Variants in ZNF385A observed in about 807,000 individuals in gnomAD.
ZNF385A encodes hematopoietic zinc finger protein.
ZNF385A carries 14 observed loss-of-function variants against 32.1 expected under a neutral mutation model. The observed-to-expected ratio is 0.44, with a 90% confidence interval of 0.29 to 0.68. ZNF385A has a LOEUF of 0.68. Among genes scored for constraint, ZNF385A ranks in the 30% least tolerant of loss-of-function variants. The pLI is 0.14. For synonymous variants in ZNF385A, 197 were observed against 202.7 expected, an observed-to-expected ratio of 0.97 and a Z score of 0.24; for missense variants, 406 against 478.4, an observed-to-expected ratio of 0.85 and a Z score of 1.41.
chr12:54,383,782 C>T (rs1041074367), intron 1 of ZNF385A, among the ~76,000 whole-genome samples: 3 of 152,196 alleles, frequency 2.0e-5, no homozygotes, highest in African/African-American at 7.2e-5. Flanking sequence ...GTAATCCCAG[C>T]TACTTGGGAG....
At chr12:54,379,149 G>C in intron 1 of ZNF385A, 1 of 981,198 alleles carries the variant, frequency 1.0e-6, no homozygotes, top group Non-Finnish European at 1.2e-6. Flanking sequence ...GGCCGGGCAG[G>C]CCAGGGACGC....
At chr12:54,376,034 G>A (rs1954834657) in intron 1 of ZNF385A, 80 bp from the exon 2 acceptor site, 1 of 1,179,408 alleles carries the variant, frequency 8.5e-7, no homozygotes, top group Admixed American at 1.8e-5. Flanking sequence ...TATCTGTGTT[G>A]AACCAAGGTC....
In ZNF385A at chr12:54,370,153, G is replaced by T; in HGVS notation, c.*103C>A. ...ATCTCGGGGTGGGGGGGGGGAAGGA[G>T]AGATCATTTAGGGAGTGCCGGGAGG... On this transcript the variant is annotated 3_prime_UTR_variant, in exon 7 of 7. Transcript: ENST00000394313. This position sits in a 1 kb window ranked among gnomAD's most constrained non-coding sequence, Gnocchi z 5.5. 1.2e-6 allele frequency: 1 copy of T among 857,490 alleles called. No individual in the cohort carries two copies. The highest frequency in any genetic ancestry group is 1.7e-6 in the Non-Finnish European group (1 of 605,286). 53.1% of individuals were successfully genotyped at this position (857,490 alleles called of 1,614,324 possible).
At chr12:54,375,303 G>A (rs1455225733) in intron 2 of ZNF385A, among the ~76,000 whole-genome samples, 1 of 152,212 alleles carries the variant, frequency 6.6e-6, no homozygotes, top group African/African-American at 2.4e-5. Flanking sequence ...TTCTCCCCAG[G>A]GGAAAGCCCC....
chr12:54,379,414 G>C (rs1430138652), intron 1 of ZNF385A, among the ~76,000 whole-genome samples: 1 of 152,006 alleles, frequency 6.6e-6, no homozygotes, highest in Non-Finnish European at 1.5e-5. Context: ...CCCGCGGCAG[G>C]GGCATTGACC....
intron 1 of ZNF385A, among the ~76,000 whole-genome samples, chr12:54,382,844 A>ATTT (rs1955265397): frequency 6.7e-6 from 1 of 149,984 alleles, no homozygotes; most frequent in African/African-American, 2.5e-5. Flanking sequence ...TTTTTTTTTA[A>ATTT]AAAAAATATT....
chr12:54,370,030 A>C lies in ZNF385A; in HGVS notation c.*226T>G. ...GACGGCCCCCCCTTTTCTAGGGGAG[A>C]GGGAAAGGCAGGGGGCGGGGTTCCC... On this transcript the variant is annotated 3_prime_UTR_variant, in exon 7 of 7. Coordinates refer to ENST00000394313, the MANE Select transcript of ZNF385A (RefSeq NM_015481.3). The surrounding 1 kb of genome is among the most constrained non-coding windows in gnomAD (Gnocchi z 5.5). 3 of 407,468 alleles carry C rather than the reference A, an allele frequency of 7.4e-6. No homozygotes were observed. Among genetic ancestry groups the C allele is most frequent in the Non-Finnish European group, 1.3e-5 (3 of 231,272 alleles). The allele number at this position is 407,468 out of a possible 1,614,324, so 25.2% of individuals were successfully genotyped here.
rs1454012970 is a variant in ZNF385A at position 54,370,242 on chromosome 12, G to A, written c.*14C>T. ...GGAGGTGGGGAGTTGAATGGGAGGG[G>A]TTCAGGGTTGAGGTCAGTACGGGGA... On this transcript the variant is annotated 3_prime_UTR_variant, in exon 7 of 7. Coordinates refer to ENST00000394313, the MANE Select transcript of ZNF385A (RefSeq NM_015481.3). The surrounding 1 kb of genome is among the most constrained non-coding windows in gnomAD (Gnocchi z 5.5). 2 of 1,441,244 alleles carry A rather than the reference G, an allele frequency of 1.4e-6. No individual in the cohort carries two copies. Among genetic ancestry groups the A allele is most frequent in the African/African-American group, 2.9e-5 (2 of 68,946 alleles). 89.3% of individuals were successfully genotyped at this position (1,441,244 alleles called of 1,614,324 possible). A position where few individuals can be genotyped will look rare whatever the true frequency, so the allele number is the denominator to read the frequency against.
At chr12:54,386,350 TACAA>T (rs1448783374), upstream of ZNF385A, among the ~76,000 whole-genome samples, 4 of 151,868 alleles carry the variant, frequency 2.6e-5, no homozygotes, top group African/African-American at 2.4e-5. Context: ...AAATCAGACA[TACAA>T]ACAGAGAGAC....
upstream of ZNF385A, among the ~76,000 whole-genome samples, chr12:54,387,153 C>T (rs766567303): frequency 6.6e-6 from 1 of 152,234 alleles, no homozygotes; most frequent in African/African-American, 2.4e-5. Flanking sequence ...AGGTTCCATG[C>T]ACTTCCTCAG....
intron 1 of ZNF385A, among the ~76,000 whole-genome samples, chr12:54,377,136 G>A (rs142328852): frequency 1.2e-4 from 18 of 152,360 alleles, no homozygotes; most frequent in African/African-American, 3.6e-4. Context: ...AGTCTGGAAA[G>A]CCCTGTCCTC....
At chr12:54,378,972 G>A (rs1736475910) in intron 1 of ZNF385A, 3 of 826,148 alleles carry the variant, frequency 3.6e-6, no homozygotes, top group Middle Eastern at 6.2e-4. Flanking sequence ...CAGAGGGAGC[G>A]GTAGCCAGCC....
intron 1 of ZNF385A, chr12:54,391,225 G>T (rs1955633097): frequency 6.9e-7 from 1 of 1,457,538 alleles, no homozygotes; most frequent in African/African-American, 1.5e-5. Flanking sequence ...GAGTCGCAGA[G>T]ACCACTCACC....
At chr12:54,380,462 T>C (rs775587666) in intron 1 of ZNF385A, among the ~76,000 whole-genome samples, 9 of 152,240 alleles carry the variant, frequency 5.9e-5, no homozygotes, top group Admixed American at 6.5e-5. Context: ...CAAAGCCACG[T>C]ACTTAACTGC....
chr12:54,386,628 C>A (rs1955494260), upstream of ZNF385A, among the ~76,000 whole-genome samples: 1 of 152,114 alleles, frequency 6.6e-6, no homozygotes, highest in African/African-American at 2.4e-5. Flanking sequence ...CTGAGTGCTC[C>A]CAGAGTCCCC....
At chr12:54,378,822 T>C (rs979876519) in intron 1 of ZNF385A, among the ~76,000 whole-genome samples, 4 of 151,672 alleles carry the variant, frequency 2.6e-5, no homozygotes, top group Admixed American at 2.6e-4. Flanking sequence ...GTCTGAAGAT[T>C]TGGGGGACTC....
rs752413457 is a variant in ZNF385A, at chr12:54,370,452, G to T, written c.905C>A (p.Ser302Tyr). Residue 302 changes from serine (S) to tyrosine (Y), a missense_variant, in exon 7 of 7, where the codon TCC becomes TAC. Physicochemically the swap from Ser to Tyr is moderately radical, Grantham distance 144. Coordinates refer to ENST00000394313, the MANE Select transcript of ZNF385A (RefSeq NM_015481.3). This position sits in a 1 kb window ranked among gnomAD's most constrained non-coding sequence, Gnocchi z 5.5. The stretch of plus-strand genomic sequence containing the variant: ...GCTGGGGAGCAGGCCGCCCGCCAGG[G>T]ACTTGGGCAGCTCCTTGGAGAAAGT... Reference protein sequence around the residue: ...TLTFSKELPKSLAGGLLPSPL... With the variant: ...TLTFSKELPKYLAGGLLPSPL... 3.6e-5 allele frequency: 56 copies of T among 1,551,036 alleles called. No individual in the cohort carries two copies. The highest frequency in any genetic ancestry group is 4.7e-5 in the Non-Finnish European group (54 of 1,146,748).
Position 54,371,027 on chromosome 12 carries a change from C to T in ZNF385A, c.674G>A (p.Gly225Glu). ...CTCTGGTTCCCCCGGGGTGGGAGGC[C>T]CCAGCCGAGGGTAAGCTTTGATGGG... is the stretch of plus-strand genomic sequence containing the variant. ...LGPIKAYPRL[G>E]PPTPGEPEAP... The change falls in exon 5 of 7, where the codon GGG becomes GAG. Residue 225 changes from glycine (G) to glutamate (E), a missense_variant. Gly to Glu is a moderately conservative substitution (Grantham distance 98, BLOSUM62 -2). Coordinates refer to ENST00000394313, the MANE Select transcript of ZNF385A (RefSeq NM_015481.3). 2 of 1,614,160 alleles carry T rather than the reference C, an allele frequency of 1.2e-6. No homozygotes were observed. Among genetic ancestry groups the T allele is most frequent in the Non-Finnish European group, 1.7e-6 (2 of 1,180,014 alleles).
At chr12:54,373,836 C>T in intron 3 of ZNF385A, 137 bp downstream of exon 3, 1 of 930,788 alleles carries the variant, frequency 1.1e-6, no homozygotes, top group Non-Finnish European at 1.5e-6. Flanking sequence ...TGCCTGGCTC[C>T]AGGACTCACC....
Sources: gnomAD v4.1 joint callset for allele counts (sites outside exome capture counted in the v4.1 genomes callset) on GRCh38, gnomAD v4.1.1 for gene constraint, Gnocchi (gnomAD v3.1) non-coding constraint, MANE v1.5 for transcripts, NCBI Gene and HGNC (gene_info 2026-07-23, HGNC 2026-07-21) for gene names.